Variants in KCTD6 observed in about 807,000 individuals in gnomAD.
The protein encoded by KCTD6 is BTB/POZ domain-containing protein KCTD6.
A neutral mutation model predicts 18.7 loss-of-function variants in KCTD6; 6 were observed. That is an observed-to-expected ratio of 0.32 (90% CI 0.18 to 0.63). The LOEUF is 0.63. Among genes scored for constraint, KCTD6 ranks in the 30% least tolerant of loss-of-function variants. The pLI is 0.79. For synonymous variants in KCTD6, 86 were observed against 108.5 expected (o/e 0.79, Z 1.29); for missense variants, 165 against 300.2 (o/e 0.55, Z 3.33).
chr3:58,500,450 T>C (rs933805288), intron 2 of KCTD6: 1 of 152,084 alleles, frequency 6.6e-6, no homozygotes, highest in African/African-American at 2.4e-5. Context: ...AAAAACAAAT[T>C]TCATAGTTTG....
chr3:58,498,344 T>G lies in KCTD6; in HGVS notation c.-43-369T>G, dbSNP rs188752823. 1.6e-3 allele frequency: 274 copies of G among 167,170 alleles called. No homozygotes were observed. Among genetic ancestry groups the G allele is most frequent in the Non-Finnish European group, 2.8e-3 (222 of 78,812 alleles). 10.4% of individuals were successfully genotyped at this position (167,170 alleles called of 1,614,324 possible). A position where few individuals can be genotyped will look rare whatever the true frequency, so the allele number is the denominator to read the frequency against. Reference sequence around the variant, plus strand: ...TTATAGGTTTGTACCAGGATAAGGTTGTAGAGTTAATCATAATATTCTCTT... The same window carrying G: ...TTATAGGTTTGTACCAGGATAAGGTGGTAGAGTTAATCATAATATTCTCTT... On this transcript the variant is annotated intron_variant, in intron 1 of 2. Coordinates refer to ENST00000404589, the MANE Select transcript of KCTD6 (RefSeq NM_001128214.2). This position sits in a 1 kb window ranked among gnomAD's most constrained non-coding sequence, Gnocchi z 4.6.
At position 58,501,188 on chromosome 3, in the gene KCTD6, GA is replaced by G; in HGVS notation, c.273del (p.Glu92LysfsTer10). ...LDFKEFDLLR[K>X]EADFYQIEPL... The stretch of plus-strand genomic sequence containing the variant: ...ATTTTAAGGAATTTGATCTGCTTCG[GA>G]AAGAAGCAGATTTTTACCAGATTGA... On this transcript the variant is annotated frameshift_variant, in exon 3 of 3. Coordinates refer to ENST00000404589, the MANE Select transcript of KCTD6 (RefSeq NM_001128214.2). LOFTEE classifies it high-confidence loss of function. This position sits in a 1 kb window ranked among gnomAD's most constrained non-coding sequence, Gnocchi z 9.7. 1 of 1,613,920 alleles carries G rather than the reference GA, an allele frequency of 6.2e-7. No homozygotes were observed.
At position 58,498,747 on chromosome 3, in the gene KCTD6, C is replaced by G; in HGVS notation, c.-9C>G. On this transcript the variant is annotated 5_prime_UTR_variant, in exon 2 of 3. Transcript: ENST00000404589. This position sits in a 1 kb window ranked among gnomAD's most constrained non-coding sequence, Gnocchi z 4.6. ...AACCTGGGCTCTTGAAGACGCATCACTGGAGCAGATGGATAATGGAGACTG... is the reference window on the plus strand; with the variant it reads ...AACCTGGGCTCTTGAAGACGCATCAGTGGAGCAGATGGATAATGGAGACTG... 1 of 1,611,750 alleles carries G rather than the reference C, an allele frequency of 6.2e-7. No individual in the cohort carries two copies. Among genetic ancestry groups the G allele is most frequent in the East Asian group, 2.2e-5 (1 of 44,814 alleles).
rs1164619848 is a variant in KCTD6 at position 58,492,815 on chromosome 3, G to T, written c.-44+646G>T. On this transcript the variant is annotated intron_variant, in intron 1 of 2. Coordinates refer to ENST00000404589, the MANE Select transcript of KCTD6 (RefSeq NM_001128214.2). The surrounding 1 kb of genome is among the most constrained non-coding windows in gnomAD (Gnocchi z 6.1). Reference sequence around the variant, plus strand: ...ACCTGCTGGGCTGACAGTGGTGGAGGCTGTGTCTGGGGGTGGGACGGGGAA... The same window carrying T: ...ACCTGCTGGGCTGACAGTGGTGGAGTCTGTGTCTGGGGGTGGGACGGGGAA... Among the ~76,000 whole-genome samples the T allele has an allele frequency of 6.6e-6, 1 of 152,156 alleles. No individual in the cohort carries two copies. Among genetic ancestry groups the T allele is most frequent in the Non-Finnish European group, 1.5e-5 (1 of 68,026 alleles).
In KCTD6 at chr3:58,498,548, G is replaced by A. The variant is rs2063190099; in HGVS notation, c.-43-165G>A. The A allele has an allele frequency of 5.1e-6, 3 of 588,398 alleles. No homozygotes were observed. The highest frequency in any genetic ancestry group is 8.9e-6 in the Non-Finnish European group (3 of 336,746). 36.4% of individuals were successfully genotyped at this position (588,398 alleles called of 1,614,324 possible). ...AATACAGGACATGTAGAAGGCCCTA[G>A]GGGAATGCTTTCTTCCCCAGATCTT... On this transcript the variant is annotated intron_variant, in intron 1 of 2. Transcript: ENST00000404589. The surrounding 1 kb of genome is among the most constrained non-coding windows in gnomAD (Gnocchi z 4.6).
rs1236851185 is a variant in KCTD6 at position 58,492,817 on chromosome 3, T to C, written c.-44+648T>C. 6.6e-6 allele frequency among the ~76,000 whole-genome samples: 1 copy of C among 152,108 alleles called. No individual in the cohort carries two copies. The highest frequency in any genetic ancestry group is 6.5e-5 in the Admixed American group (1 of 15,280). On this transcript the variant is annotated intron_variant, in intron 1 of 2. Coordinates refer to ENST00000404589, the MANE Select transcript of KCTD6 (RefSeq NM_001128214.2). This position sits in a 1 kb window ranked among gnomAD's most constrained non-coding sequence, Gnocchi z 6.1. ...CTGCTGGGCTGACAGTGGTGGAGGC[T>C]GTGTCTGGGGGTGGGACGGGGAAAT...
In KCTD6 at chr3:58,501,975, A is replaced by G. The variant is rs2063207048; in HGVS notation, c.*343A>G. 1 of 166,402 alleles carries G rather than the reference A, an allele frequency of 6.0e-6. No individual in the cohort carries two copies. Among genetic ancestry groups the G allele is most frequent in the Non-Finnish European group, 1.3e-5 (1 of 77,466 alleles). 10.3% of individuals were successfully genotyped at this position (166,402 alleles called of 1,614,324 possible). On this transcript the variant is annotated 3_prime_UTR_variant, in exon 3 of 3. Transcript: ENST00000404589. The surrounding 1 kb of genome is among the most constrained non-coding windows in gnomAD (Gnocchi z 9.7). ...TGGTCCCTAACTCAACTAGAAGGCT[A>G]AAAATACAAGAATGAAAGAATAAGC...
chr3:58,501,469 A>G lies in KCTD6; in HGVS notation c.551A>G (p.Tyr184Cys), dbSNP rs1405450960. 6.6e-7 allele frequency: 1 copy of G among 1,519,244 alleles called. No individual in the cohort carries two copies. Among genetic ancestry groups the G allele is most frequent in the East Asian group, 2.3e-5 (1 of 43,934 alleles). The allele number at this position is 1,519,244 out of a possible 1,614,324, so 94.1% of individuals were successfully genotyped here. A position where few individuals can be genotyped will look rare whatever the true frequency, so the allele number is the denominator to read the frequency against. Residue 184 changes from tyrosine to cysteine, a missense_variant, in exon 3 of 3, where the codon TAT (tyrosine) becomes TGT (cysteine). Tyr to Cys is a radical substitution (Grantham distance 194). Around this residue, in one of 2 missense-constraint regions of KCTD6, gnomAD observed 106 missense variants for 230.4 expected, o/e 0.46. Transcript: ENST00000404589. This position sits in a 1 kb window ranked among gnomAD's most constrained non-coding sequence, Gnocchi z 9.7. Reference sequence around the variant, plus strand: ...TCCTTTACTTTTGGACCCTGTGATTATCACCAGGAAGTTTCTCTTAGGGTC... The same window carrying G: ...TCCTTTACTTTTGGACCCTGTGATTGTCACCAGGAAGTTTCTCTTAGGGTC... ...QVSFTFGPCDYHQEVSLRVHL... is the reference protein window; with the variant it reads ...QVSFTFGPCDCHQEVSLRVHL...
intron 1 of KCTD6, among the ~76,000 whole-genome samples, chr3:58,495,049 A>G (rs976398703): frequency 6.6e-6 from 1 of 152,190 alleles, no homozygotes; most frequent in Non-Finnish European, 1.5e-5. Flanking sequence ...TTTGAATTTT[A>G]TAGCTGTTTG....
chr3:58,500,999 C>G lies in KCTD6; in HGVS notation c.81C>G (p.Leu27=). Reference sequence around the variant, plus strand: ...GTGGACACTTGTATACAACGTCTCTCACCACATTGACGCGTTACCCGGATT... The same window carrying G: ...GTGGACACTTGTATACAACGTCTCTGACCACATTGACGCGTTACCCGGATT... ...NVGGHLYTTS[L]TTLTRYPDSM... Residue 27 remains leucine, a synonymous_variant, in exon 3 of 3, where the codon CTC becomes CTG. Transcript: ENST00000404589. The G allele has an allele frequency of 6.2e-7, 1 of 1,611,768 alleles. No individual in the cohort carries two copies. The highest frequency in any genetic ancestry group is 2.2e-5 in the East Asian group (1 of 44,866).
chr3:58,496,419 G>A lies in KCTD6; in HGVS notation c.-43-2294G>A, dbSNP rs1244958331. ...CTCAGCTAGTCACTTAATCTGCCTTGTTTCTCTGTTTTGCATCTTTAAGAT... is the reference window on the plus strand; with the variant it reads ...CTCAGCTAGTCACTTAATCTGCCTTATTTCTCTGTTTTGCATCTTTAAGAT... On this transcript the variant is annotated intron_variant, in intron 1 of 2. Coordinates refer to ENST00000404589, the MANE Select transcript of KCTD6 (RefSeq NM_001128214.2). The surrounding 1 kb of genome is among the most constrained non-coding windows in gnomAD (Gnocchi z 5.1). Among the ~76,000 whole-genome samples the A allele has an allele frequency of 6.6e-6, 1 of 152,032 alleles. No individual in the cohort carries two copies. Among genetic ancestry groups the A allele is most frequent in the Non-Finnish European group, 1.5e-5 (1 of 68,012 alleles).
intron 2 of KCTD6, among the ~76,000 whole-genome samples, chr3:58,499,029 G>A (rs993980801): frequency 7.2e-5 from 11 of 151,932 alleles, no homozygotes; most frequent in African/African-American, 2.7e-4. Flanking sequence ...GAGTGCAGTG[G>A]CGCGATCTTG....
intron 1 of KCTD6, among the ~76,000 whole-genome samples, chr3:58,494,677 T>C (rs2063168458): frequency 6.6e-6 from 1 of 152,206 alleles, no homozygotes; most frequent in East Asian, 1.9e-4. Flanking sequence ...AGGCCTGTAA[T>C]TGCAATTCTG....
rs1303190070 is a variant in KCTD6, at chr3:58,493,016, C to A, written c.-44+847C>A. Among the ~76,000 whole-genome samples the A allele has an allele frequency of 6.6e-6, 1 of 152,134 alleles. No homozygotes were observed. Among genetic ancestry groups the A allele is most frequent in the Non-Finnish European group, 1.5e-5 (1 of 68,030 alleles). ...GCTCGGCTAAGAATATTTGGGGTAG[C>A]CTAAGTATCTCTTCTATATCCCCCT... is the stretch of plus-strand genomic sequence containing the variant. On this transcript the variant is annotated intron_variant, in intron 1 of 2. Transcript: ENST00000404589. This position sits in a 1 kb window ranked among gnomAD's most constrained non-coding sequence, Gnocchi z 4.5.
rs1275494522 is a variant in KCTD6, at chr3:58,496,801, C to A, written c.-43-1912C>A. The stretch of plus-strand genomic sequence containing the variant: ...GTGTGTCCGCATTGCACATAGGCAC[C>A]CCCTCCACTCCATAGGTGACCCACA... On this transcript the variant is annotated intron_variant, in intron 1 of 2. Coordinates refer to ENST00000404589, the MANE Select transcript of KCTD6 (RefSeq NM_001128214.2). This position sits in a 1 kb window ranked among gnomAD's most constrained non-coding sequence, Gnocchi z 5.1. Among the ~76,000 whole-genome samples the A allele has an allele frequency of 6.6e-6, 1 of 152,108 alleles. No homozygotes were observed. The highest frequency in any genetic ancestry group is 2.4e-5 in the African/African-American group (1 of 41,416).
rs192246194 is a variant in KCTD6 at position 58,497,352 on chromosome 3, A to C, written c.-43-1361A>C. Among the ~76,000 whole-genome samples, 1 of 152,336 alleles carries C rather than the reference A, an allele frequency of 6.6e-6. No homozygotes were observed. The highest frequency in any genetic ancestry group is 1.5e-5 in the Non-Finnish European group (1 of 68,032). On this transcript the variant is annotated intron_variant, in intron 1 of 2. Transcript: ENST00000404589. The surrounding 1 kb of genome is among the most constrained non-coding windows in gnomAD (Gnocchi z 4.2). ...TTCTGTAGCTAGGGCTTGTTCTGGG[A>C]ATTCTGTGCCAGATTCCTCTAAAAG...
At chr3:58,499,293 C>T (rs771848180) in intron 2 of KCTD6, among the ~76,000 whole-genome samples, 4 of 152,044 alleles carry the variant, frequency 2.6e-5, no homozygotes, top group Admixed American at 6.5e-5. Flanking sequence ...GGAGAGGTAA[C>T]GTGATTTTTT....
In KCTD6 at chr3:58,498,605, C is replaced by T. The variant is rs779688619; in HGVS notation, c.-43-108C>T. On this transcript the variant is annotated intron_variant, in intron 1 of 2. Coordinates refer to ENST00000404589, the MANE Select transcript of KCTD6 (RefSeq NM_001128214.2). The surrounding 1 kb of genome is among the most constrained non-coding windows in gnomAD (Gnocchi z 4.6). ...GTAGTAGGTTTCAGCTGAGCAAGGA[C>T]GAGTAGTTTTTCTGGTGTTTGGCCT... 129 of 697,336 alleles carry T rather than the reference C, an allele frequency of 1.8e-4. No individual in the cohort carries two copies. The highest frequency in any genetic ancestry group is 4.9e-4 in the Middle Eastern group (2 of 4,122). The allele number at this position is 697,336 out of a possible 1,614,324, so 43.2% of individuals were successfully genotyped here.
At position 58,497,630 on chromosome 3, in the gene KCTD6, A is replaced by G. The variant is rs1481514788; in HGVS notation, c.-43-1083A>G. 6.6e-6 allele frequency: 1 copy of G among 152,216 alleles called. No individual in the cohort carries two copies. Among genetic ancestry groups the G allele is most frequent in the African/African-American group, 2.4e-5 (1 of 41,458 alleles). The allele number at this position is 152,216 out of a possible 1,614,324, so 9.4% of individuals were successfully genotyped here. A position where few individuals can be genotyped will look rare whatever the true frequency, so the allele number is the denominator to read the frequency against. ...ATAAATTCACATTGGCATCATTAGT[A>G]TCTGAGCATTTCTCAGTGTCTTAAG... On this transcript the variant is annotated intron_variant, in intron 1 of 2. Transcript: ENST00000404589. This position sits in a 1 kb window ranked among gnomAD's most constrained non-coding sequence, Gnocchi z 4.2.
Sources: allele counts gnomAD v4.1 joint callset (sites outside exome capture counted in the v4.1 genomes callset), GRCh38; gene constraint gnomAD v4.1.1; regional missense constraint gnomAD v4.1.1; non-coding constraint Gnocchi (gnomAD v3.1); transcripts MANE v1.5; gene names NCBI Gene and HGNC (gene_info 2026-07-23, HGNC 2026-07-21).